Variants in ADH4 observed in about 807,000 individuals in gnomAD.
ADH4 encodes the protein all-trans-retinol dehydrogenase [NAD(+)] ADH4.
A neutral mutation model predicts 35.2 loss-of-function variants in ADH4; 31 were observed. The observed-to-expected ratio is 0.88, with a 90% CI of 0.66 to 1.19. The LOEUF is 1.19. Ranked by LOEUF, ADH4 falls within the 50% of genes most tolerant of loss-of-function variation. The probability of loss-of-function intolerance (pLI) is 0.00; values close to 1 mark genes in which losing one functional copy is unlikely to be tolerated. For synonymous variants in ADH4, 171 were observed against 160.2 expected (o/e 1.07, Z -0.51); for missense variants, 476 against 458.3 (o/e 1.04, Z -0.35).
At position 99,124,430 on chromosome 4, in the gene ADH4, C is replaced by T. The variant is rs772910431; in HGVS notation, c.*12G>A. The T allele has an allele frequency of 1.3e-6, 2 of 1,486,986 alleles. No individual in the cohort carries two copies. Among genetic ancestry groups the T allele is most frequent in the South Asian group, 1.2e-5 (1 of 82,650 alleles). 92.1% of individuals were successfully genotyped at this position (1,486,986 alleles called of 1,614,324 possible). On this transcript the variant is annotated 3_prime_UTR_variant, in exon 9 of 9. Coordinates refer to ENST00000265512, the MANE Select transcript of ADH4 (RefSeq NM_000670.5). Reference sequence around the variant, plus strand: ...TTCAATCAGATAGTATTCTGAATTGCTCCTGGCATCTTCAAAAGATGAGGA... The same window carrying T: ...TTCAATCAGATAGTATTCTGAATTGTTCCTGGCATCTTCAAAAGATGAGGA...
chr4:99,130,834 A>G (rs1356552757), intron 6 of ADH4, among the ~76,000 whole-genome samples: 1 of 152,296 alleles, frequency 6.6e-6, no homozygotes, highest in East Asian at 1.9e-4. Flanking sequence ...AGTGTTGAGA[A>G]TATGTTAATA....
chr4:99,131,348 C>G (rs1340954200), intron 6 of ADH4, among the ~76,000 whole-genome samples, 156 bp downstream of exon 6: 1 of 152,028 alleles, frequency 6.6e-6, no homozygotes, highest in Non-Finnish European at 1.5e-5. Context: ...TGGAGTATAG[C>G]TGAGGGAATG....
intron 3 of ADH4, among the ~76,000 whole-genome samples, chr4:99,139,468 T>G (rs981286497): frequency 1.2e-4 from 18 of 152,212 alleles, no homozygotes; most frequent in Admixed American, 2.6e-4. Flanking sequence ...CCAAACACCA[T>G]GTACGAAACA....
intron 6 of ADH4, among the ~76,000 whole-genome samples, chr4:99,127,611 T>G (rs1043179932): frequency 2.0e-5 from 3 of 152,100 alleles, no homozygotes; most frequent in Non-Finnish European, 4.4e-5. Flanking sequence ...GGTGGATCAC[T>G]TGAGGCCAGG....
intron 5 of ADH4, chr4:99,133,645 C>G (rs542958248): frequency 6.6e-6 from 1 of 152,052 alleles, no homozygotes; most frequent in Non-Finnish European, 1.5e-5. Flanking sequence ...AAATTTAGGT[C>G]GACTTTGACT....
intron 5 of ADH4, among the ~76,000 whole-genome samples, chr4:99,135,090 A>G (rs1320355750): frequency 1.3e-5 from 2 of 152,074 alleles, no homozygotes; most frequent in African/African-American, 4.8e-5. Context: ...AACAAATAGT[A>G]CAATAGGACA....
chr4:99,131,243 A>G (rs1317685373), intron 6 of ADH4, among the ~76,000 whole-genome samples: 4 of 152,186 alleles, frequency 2.6e-5, no homozygotes, highest in Non-Finnish European at 2.9e-5. Context: ...GCATCTACAA[A>G]TAATGCTGGT....
chr4:99,131,542 C>A lies in ADH4; in HGVS notation c.805G>T (p.Asp269Tyr), dbSNP rs1426901295. 6.2e-7 allele frequency: 1 copy of A among 1,614,006 alleles called. No individual in the cohort carries two copies. Among genetic ancestry groups the A allele is most frequent in the South Asian group, 1.1e-5 (1 of 91,066 alleles). ...VIIELTKGGV[D>Y]FALDCAGGSE... ...CCACCTGCACAGTCAAGGGCAAAAT[C>A]CACACCTCCCTTGGTCAATTCAATG... is the stretch of plus-strand genomic sequence containing the variant. The change falls in exon 6 of 9, where the codon GAT becomes TAT. Residue 269 changes from aspartate to tyrosine, a missense_variant. Asp to Tyr is a radical substitution (Grantham distance 160). Coordinates refer to ENST00000265512, the MANE Select transcript of ADH4 (RefSeq NM_000670.5).
At chr4:99,141,026 C>T (rs989706599) in intron 3 of ADH4, among the ~76,000 whole-genome samples, 3 of 152,122 alleles carry the variant, frequency 2.0e-5, no homozygotes, top group Non-Finnish European at 4.4e-5. Flanking sequence ...TTTTTCTGAG[C>T]CTCTCCTCCC....
At chr4:99,143,132 T>C (rs1182776735) in intron 1 of ADH4, 1 of 701,468 alleles carries the variant, frequency 1.4e-6, no homozygotes, top group Non-Finnish European at 2.6e-6. Flanking sequence ...TAAAAATCTA[T>C]TGAGTGAACT....
At chr4:99,128,172 C>T (rs1027749773) in intron 6 of ADH4, among the ~76,000 whole-genome samples, 2 of 152,092 alleles carry the variant, frequency 1.3e-5, no homozygotes, top group Admixed American at 6.6e-5. Context: ...TGGTGGCTCA[C>T]GCCTGTAATC....
intron 7 of ADH4, 133 bp downstream of exon 7, chr4:99,127,076 G>T (rs1729119076): frequency 3.9e-6 from 2 of 514,838 alleles, no homozygotes; most frequent in South Asian, 7.0e-5. Flanking sequence ...TAGTTTTTAT[G>T]TAGTATTTGG....
At chr4:99,142,858 A>G in intron 1 of ADH4, 78 bp from the exon 2 acceptor site, 1 of 972,446 alleles carries the variant, frequency 1.0e-6, no homozygotes, top group Non-Finnish European at 1.5e-6. Context: ...AGAGGAGATC[A>G]TGAGAAAAAA....
chr4:99,139,119 GA>G lies in ADH4; in HGVS notation c.291del (p.Leu98TyrfsTer9), dbSNP rs769313322. On this transcript the variant is annotated frameshift_variant, in exon 4 of 9. Coordinates refer to ENST00000265512, the MANE Select transcript of ADH4 (RefSeq NM_000670.5). LOFTEE classifies it high-confidence loss of function. ...AGACAAAACTTGCATTTTCTACATA[GA>G]GGTGCATAAAGTGGAATTACTTTGT... ...PGDKVIPLYA[P>X]LCRKCKFCLS... The G allele has an allele frequency of 6.2e-7, 1 of 1,613,322 alleles. No homozygotes were observed. The highest frequency in any genetic ancestry group is 1.3e-5 in the African/African-American group (1 of 75,004).
chr4:99,143,306 C>G, intron 1 of ADH4: 1 of 694,292 alleles, frequency 1.4e-6, no homozygotes, highest in Non-Finnish European at 2.6e-6. Flanking sequence ...AAATCAAAAT[C>G]TGCATTTGAA....
chr4:99,142,438 G>A (rs1056389146), intron 2 of ADH4, among the ~76,000 whole-genome samples: 1 of 152,186 alleles, frequency 6.6e-6, no homozygotes, highest in East Asian at 1.9e-4. Flanking sequence ...CTGATTCTTA[G>A]GGTAAATGAT....
At chr4:99,131,316 C>T (rs571681282) in intron 6 of ADH4, among the ~76,000 whole-genome samples, 188 bp downstream of exon 6, 1 of 152,166 alleles carries the variant, frequency 6.6e-6, no homozygotes, top group African/African-American at 2.4e-5. Context: ...TGGGGGGACA[C>T]ATTCATGGGC....
intron 4 of ADH4, 109 bp downstream of exon 4, chr4:99,138,952 T>G: frequency 1.4e-6 from 1 of 694,062 alleles, no homozygotes; most frequent in Non-Finnish European, 2.4e-6. Flanking sequence ...AGGATTAGAA[T>G]TAGTGGGTGG....
At chr4:99,127,880 A>G (rs1729149034) in intron 6 of ADH4, among the ~76,000 whole-genome samples, 1 of 152,096 alleles carries the variant, frequency 6.6e-6, no homozygotes, top group African/African-American at 2.4e-5. Context: ...TGTCTAAAAA[A>G]TCAGCATACA....
Sources: allele counts gnomAD v4.1 joint callset (sites outside exome capture counted in the v4.1 genomes callset), GRCh38; gene constraint gnomAD v4.1.1; transcripts MANE v1.5; gene names NCBI Gene and HGNC (gene_info 2026-07-23, HGNC 2026-07-21).